Variants in ANKRD26 observed in about 807,000 individuals in gnomAD.
ANKRD26 encodes the protein ankyrin repeat domain-containing protein 26.
A neutral mutation model predicts 208.7 loss-of-function variants in ANKRD26; 141 were observed. That is an observed-to-expected ratio of 0.68 (90% CI 0.59 to 0.78). The LOEUF (loss-of-function observed/expected upper bound fraction) is 0.78, where lower values mean the gene tolerates loss of function less well. Ranked by LOEUF, ANKRD26 falls within the 30% of genes least tolerant of loss-of-function variation. The pLI, the probability that ANKRD26 is intolerant of heterozygous loss-of-function variation, is 0.00. For missense variants in ANKRD26, 1,889 were observed against 1,938.7 expected (o/e 0.97, Z 0.48); for synonymous variants, 636 against 660.4 (o/e 0.96, Z 0.57).
the ANKRD26 span, among the ~76,000 whole-genome samples, chr10:26,964,064 A>G: frequency 6.7e-6 from 1 of 150,264 alleles, no homozygotes; most frequent in Non-Finnish European, 1.5e-5. Flanking sequence ...CAGGCGCACC[A>G]CCACACTGGC....
chr10:27,033,446 T>C lies in ANKRD26; in HGVS notation c.3655-69A>G, dbSNP rs916034546. On this transcript the variant is annotated intron_variant, in intron 24 of 33. Coordinates refer to ENST00000376087, the MANE Select transcript of ANKRD26 (RefSeq NM_014915.3). ...TTAAGTTATGTTAAAAAATAAATTA[T>C]GTTAATAATATTTAACTATGACATA... is the stretch of plus-strand genomic sequence containing the variant. 9 of 1,419,378 alleles carry C rather than the reference T, an allele frequency of 6.3e-6. No homozygotes were observed. The African/African-American group carries it at 1.4e-4, about 22-fold the overall frequency. 87.9% of individuals were successfully genotyped at this position (1,419,378 alleles called of 1,614,324 possible).
chr10:26,997,918 C>T (rs984210087), intron 4 of ANKRD26, among the ~76,000 whole-genome samples: 6 of 152,192 alleles, frequency 3.9e-5, no homozygotes, highest in Admixed American at 1.3e-4. Flanking sequence ...ATACTAGCGT[C>T]GGCCCCCTGG....
intron 20 of ANKRD26, among the ~76,000 whole-genome samples, chr10:27,041,759 T>C (rs1366800053): frequency 2.0e-5 from 3 of 151,588 alleles, no homozygotes; most frequent in African/African-American, 4.9e-5. Context: ...AGCTAATATA[T>C]AAGCCCCCAA....
intron 18 of ANKRD26, among the ~76,000 whole-genome samples, chr10:27,044,574 A>G (rs1416576752): frequency 6.6e-6 from 1 of 151,996 alleles, no homozygotes; most frequent in Non-Finnish European, 1.5e-5. Context: ...TACGGGCACT[A>G]AAACCTATTT....
At chr10:26,961,996 G>A in the ANKRD26 span, among the ~76,000 whole-genome samples, 2 of 152,236 alleles carry the variant, frequency 1.3e-5, no homozygotes, top group Admixed American at 1.3e-4. Context: ...GAGGGGGAAA[G>A]TGGGAAGGGC....
rs2053527782 is a variant in ANKRD26 at position 27,022,636 on chromosome 10, A to C, written c.4137T>G (p.Asn1379Lys). 1.9e-6 allele frequency: 3 copies of C among 1,578,048 alleles called. No homozygotes were observed. Among genetic ancestry groups the C allele is most frequent in the Non-Finnish European group, 2.6e-6 (3 of 1,152,168 alleles). The change falls in exon 29 of 34, where the codon AAT becomes AAG. Residue 1379 changes from asparagine (N) to lysine (K), a missense_variant. Physicochemically the swap from Asn to Lys is moderately conservative, Grantham distance 94. Coordinates refer to ENST00000376087, the MANE Select transcript of ANKRD26 (RefSeq NM_014915.3). ...AATCTCCATGGAAACTAAATTCTCCATTTTCATATTCATTTAACTTCTTTC... is the reference window on the plus strand; with the variant it reads ...AATCTCCATGGAAACTAAATTCTCCCTTTTCATATTCATTTAACTTCTTTC... ...MTRKKLNEYE[N>K]GEFSFHGDLK... is the part of the protein sequence containing the mutation.
intron 5 of ANKRD26, among the ~76,000 whole-genome samples, chr10:26,993,303 C>T (rs1203511227): frequency 1.3e-5 from 2 of 152,142 alleles, no homozygotes; most frequent in African/African-American, 4.8e-5. Context: ...TACTGCTAGC[C>T]AATTAATATC....
chr10:27,062,586 G>A (rs1490775956), intron 12 of ANKRD26, among the ~76,000 whole-genome samples: 1 of 152,192 alleles, frequency 6.6e-6, no homozygotes, highest in Non-Finnish European at 1.5e-5. Context: ...GGAATCTGGT[G>A]TCAAGCTCCT....
chr10:27,070,747 C>T (rs138552498), intron 9 of ANKRD26, among the ~76,000 whole-genome samples: 1 of 151,706 alleles, frequency 6.6e-6, no homozygotes, highest in African/African-American at 2.4e-5. Flanking sequence ...CTCACTGCAA[C>T]CTCCACCTCC....
chr10:26,990,311 C>G (rs771953991), downstream of ANKRD26, among the ~76,000 whole-genome samples: 3 of 152,066 alleles, frequency 2.0e-5, no homozygotes, highest in Non-Finnish European at 4.4e-5. Flanking sequence ...GGGGCTTTGG[C>G]GAACTTAGAG....
At chr10:26,955,661 A>C in the ANKRD26 span, among the ~76,000 whole-genome samples, 4 of 152,280 alleles carry the variant, frequency 2.6e-5, no homozygotes, top group African/African-American at 9.6e-5. Context: ...GATCGTGTTG[A>C]AATGGCAAAG....
In ANKRD26 at chr10:27,092,488, C is replaced by T. The variant is rs767744358; in HGVS notation, c.556G>A (p.Ala186Thr). 9 of 1,613,278 alleles carry T rather than the reference C, an allele frequency of 5.6e-6. No individual in the cohort carries two copies. The highest frequency in any genetic ancestry group is 1.3e-5 in the African/African-American group (1 of 74,872). Residue 186 changes from alanine to threonine, a missense_variant, in exon 4 of 34, where the codon GCA becomes ACA. Ala to Thr is a moderately conservative substitution (Grantham distance 58). This residue lies in a region of ANKRD26 where 1,272 missense variants were observed against 1,273.8 expected (regional missense o/e 1.00). Transcript: ENST00000376087. ...ATTTGCTGCTTTTTTCCACTTACTGCAAGTAAAAGTGGTGTGAGGTCATCC... is the reference window on the plus strand; with the variant it reads ...ATTTGCTGCTTTTTTCCACTTACTGTAAGTAAAAGTGGTGTGAGGTCATCC... ...NKDDLTPLLL[A>T]VSGKKQQMVE... is the part of the protein sequence containing the mutation.
At chr10:27,017,822 A>G in intron 29 of ANKRD26, 30 bp from the exon 30 acceptor site, 3 of 1,595,908 alleles carry the variant, frequency 1.9e-6, no homozygotes, top group Middle Eastern at 1.8e-4. Flanking sequence ...TAGTGTAATA[A>G]TGAAGGAAGT....
At chr10:27,090,255 G>T (rs980632829) in intron 4 of ANKRD26, among the ~76,000 whole-genome samples, 1 of 152,040 alleles carries the variant, frequency 6.6e-6, no homozygotes, top group Admixed American at 6.6e-5. Context: ...AGACCAGCCT[G>T]GCCAACACAG....
Position 27,029,427 on chromosome 10 carries a change from T to C in ANKRD26, c.3808-71A>G, listed in dbSNP as rs1435284440. 2.8e-6 allele frequency: 4 copies of C among 1,430,788 alleles called. No individual in the cohort carries two copies. The East Asian group carries it at 9.4e-5, about 33-fold the overall frequency. The allele number at this position is 1,430,788 out of a possible 1,614,324, so 88.6% of individuals were successfully genotyped here. ...CACATCTGTCCATTACCTGTTTTTG[T>C]AACTAAACCTTATCGGAACACAGTC... On this transcript the variant is annotated intron_variant, in intron 25 of 33. Transcript: ENST00000376087.
intron 16 of ANKRD26, chr10:27,051,932 C>A: frequency 1.0e-6 from 1 of 985,292 alleles, no homozygotes; most frequent in Non-Finnish European, 1.2e-6. Context: ...AGTTATTTTT[C>A]CACTCTAATT....
Position 27,014,709 on chromosome 10 carries a change from T to G in ANKRD26, c.4509A>C (p.Ala1503=). Residue 1503 remains alanine, a splice_region_variant and synonymous_variant, in exon 31 of 34, where the codon GCA becomes GCC. Coordinates refer to ENST00000376087, the MANE Select transcript of ANKRD26 (RefSeq NM_014915.3). The part of the protein sequence containing the change: ...KLKEVNLFLQ[A]QAASQENLEQ... ...CTAAGTTTTCTTGAGATGCTGCTTG[T>G]GCCTAAAACAAATTAAAAGCATATG... 2 of 1,611,472 alleles carry G rather than the reference T, an allele frequency of 1.2e-6. No homozygotes were observed. The highest frequency in any genetic ancestry group is 1.7e-6 in the Non-Finnish European group (2 of 1,178,772).
At chr10:27,036,581 T>C (rs2054052944) in intron 23 of ANKRD26, among the ~76,000 whole-genome samples, 1 of 152,120 alleles carries the variant, frequency 6.6e-6, no homozygotes, top group Non-Finnish European at 1.5e-5. Flanking sequence ...GAAAATGTAA[T>C]AATGTGAAAC....
chr10:27,015,806 C>A (rs776475367), intron 30 of ANKRD26, among the ~76,000 whole-genome samples: 8 of 152,112 alleles, frequency 5.3e-5, no homozygotes, highest in Non-Finnish European at 1.0e-4. Flanking sequence ...GCACAGGGGT[C>A]CCACGCAGTT....
Sources: gnomAD v4.1 joint callset for allele counts (sites outside exome capture counted in the v4.1 genomes callset) on GRCh38, gnomAD v4.1.1 for gene constraint, gnomAD v4.1.1 regional missense constraint, MANE v1.5 for transcripts, NCBI Gene and HGNC (gene_info 2026-07-23, HGNC 2026-07-21) for gene names.